Variants in ALDH1A2 observed in about 807,000 individuals in gnomAD.
ALDH1A2 encodes aldehyde dehydrogenase 1 family member A2, also known as retinal dehydrogenase 2.
Under a neutral mutation model 60.3 loss-of-function variants are expected in ALDH1A2, and 27 were observed. That is an observed-to-expected ratio of 0.45 (90% confidence interval 0.33 to 0.62). The LOEUF is 0.62. ALDH1A2 is among the 20% of genes least tolerant of loss of function. ALDH1A2 has a pLI of 0.02. For synonymous variants in ALDH1A2, 289 were observed against 232.4 expected, an observed-to-expected ratio of 1.24 and a Z score of -2.21; for missense variants, 581 against 643.8, an observed-to-expected ratio of 0.90 and a Z score of 1.06.
At chr15:57,972,690 G>GAAGT (rs1894111015) in intron 7 of ALDH1A2, among the ~76,000 whole-genome samples, 1 of 152,130 alleles carries the variant, frequency 6.6e-6, no homozygotes, top group African/African-American at 2.4e-5. Context: ...TTTAAAAAGA[G>GAAGT]AAGTTTTATG....
chr15:58,064,871 G>T (rs1897133560), intron 1 of ALDH1A2, among the ~76,000 whole-genome samples: 1 of 149,662 alleles, frequency 6.7e-6, no homozygotes, highest in Non-Finnish European at 1.5e-5. Context: ...AAAAAAAAAA[G>T]TAAGTTCTTC....
intron 12 of ALDH1A2, among the ~76,000 whole-genome samples, chr15:57,958,281 C>T (rs1465230981): frequency 6.6e-6 from 1 of 152,110 alleles, no homozygotes; most frequent in Non-Finnish European, 1.5e-5. Context: ...ATTTTCAAAG[C>T]CAGTGTCCTG....
intron 4 of ALDH1A2, among the ~76,000 whole-genome samples, chr15:58,003,063 A>G (rs577421459): frequency 1.2e-4 from 18 of 152,052 alleles, no homozygotes; most frequent in Non-Finnish European, 2.1e-4. Flanking sequence ...GTCTGTCATG[A>G]AGATAGCTTA....
At chr15:57,961,491 ACTTCCCCAACCTCTCCAG>A in intron 10 of ALDH1A2, among the ~76,000 whole-genome samples, 197 bp from the exon 11 acceptor site, 1 of 152,154 alleles carries the variant, frequency 6.6e-6, no homozygotes, top group East Asian at 1.9e-4. Context: ...AACCTCCCCA[ACTTCCCCAACCTCTCCAG>A]CATCACTTGA....
At chr15:58,045,839 A>AATAT (rs1407797166) in intron 1 of ALDH1A2, among the ~76,000 whole-genome samples, 3 of 152,026 alleles carry the variant, frequency 2.0e-5, no homozygotes, top group Non-Finnish European at 2.9e-5. Flanking sequence ...ATTAAAAAAG[A>AATAT]ATATGGTCAC....
chr15:58,051,869 C>A (rs1896785571), intron 1 of ALDH1A2, among the ~76,000 whole-genome samples: 1 of 152,126 alleles, frequency 6.6e-6, no homozygotes, highest in Admixed American at 6.5e-5. Context: ...AGTTCCCTTG[C>A]CACCACGCTT....
At chr15:57,976,966 G>C (rs1332667747) in intron 7 of ALDH1A2, among the ~76,000 whole-genome samples, 1 of 152,188 alleles carries the variant, frequency 6.6e-6, no homozygotes, top group Non-Finnish European at 1.5e-5. Context: ...TAACTGGTGT[G>C]AGATGGTATC....
At chr15:58,048,940 A>G (rs1181963468) in intron 1 of ALDH1A2, among the ~76,000 whole-genome samples, 4 of 151,570 alleles carry the variant, frequency 2.6e-5, no homozygotes, top group Admixed American at 6.6e-5. Flanking sequence ...CCACCCCACA[A>G]ATTTCCTTGT....
intron 12 of ALDH1A2, among the ~76,000 whole-genome samples, chr15:57,955,857 G>C (rs536268810): frequency 6.6e-6 from 1 of 152,296 alleles, no homozygotes; most frequent in Non-Finnish European, 1.5e-5. Context: ...CTATTCTCCT[G>C]TTCTTTTTGC....
chr15:58,048,677 T>G (rs1227353533), intron 1 of ALDH1A2, among the ~76,000 whole-genome samples: 2 of 151,956 alleles, frequency 1.3e-5, no homozygotes, highest in South Asian at 2.1e-4. Flanking sequence ...GACTCAGGAT[T>G]CCATGGGTTA....
At chr15:58,020,674 T>C (rs1895901473) in intron 1 of ALDH1A2, among the ~76,000 whole-genome samples, 1 of 152,058 alleles carries the variant, frequency 6.6e-6, no homozygotes, top group Admixed American at 6.5e-5. Context: ...CACTAACCTG[T>C]ATTTTTAATT....
chr15:57,996,505 T>C (rs1166514314), intron 4 of ALDH1A2, among the ~76,000 whole-genome samples: 3 of 141,708 alleles, frequency 2.1e-5, no homozygotes, highest in African/African-American at 8.1e-5. Flanking sequence ...TTTTCCCTCT[T>C]TTTTTTTTTT....
At chr15:58,038,664 A>T (rs1595683187) in intron 1 of ALDH1A2, 1 of 151,784 alleles carries the variant, frequency 6.6e-6, no homozygotes, top group African/African-American at 2.4e-5. Context: ...ATTAAAGCCA[A>T]ATACACACCA....
At chr15:58,019,105 A>G (rs575904182) in intron 1 of ALDH1A2, among the ~76,000 whole-genome samples, 6 of 152,254 alleles carry the variant, frequency 3.9e-5, no homozygotes, top group African/African-American at 1.4e-4. Context: ...TTTTTGCACT[A>G]TTTTTGAACT....
intron 12 of ALDH1A2, among the ~76,000 whole-genome samples, chr15:57,955,933 CTT>C (rs2140441839): frequency 6.6e-6 from 1 of 152,268 alleles, no homozygotes; most frequent in African/African-American, 2.4e-5. Context: ...ATGTTCTCCT[CTT>C]TTTCTTCTCT....
At chr15:57,960,955 G>GA (rs1433988793) in intron 11 of ALDH1A2, 111 bp from the exon 12 acceptor site, 5 of 1,347,340 alleles carry the variant, frequency 3.7e-6, no homozygotes, top group South Asian at 1.3e-5. Context: ...TCCTCCAGAG[G>GA]AAAAAATTGT....
At chr15:58,004,293 A>T (rs1284352769) in intron 4 of ALDH1A2, among the ~76,000 whole-genome samples, 1 of 151,930 alleles carries the variant, frequency 6.6e-6, no homozygotes, top group Admixed American at 6.6e-5. Context: ...CTAACTGATT[A>T]TCCATTTGTA....
At chr15:58,046,358 T>C (rs1362529954) in intron 1 of ALDH1A2, among the ~76,000 whole-genome samples, 7 of 151,958 alleles carry the variant, frequency 4.6e-5, no homozygotes, top group Non-Finnish European at 2.9e-5. Context: ...CCAAGACAGG[T>C]GTAGAGTTGC....
At chr15:58,045,887 A>T (rs529102266) in intron 1 of ALDH1A2, among the ~76,000 whole-genome samples, 117 of 152,160 alleles carry the variant, frequency 7.7e-4, no homozygotes, top group South Asian at 2.3e-3. Context: ...CACCTAAGGG[A>T]ATTAAAATAA....
Sources: gnomAD v4.1 joint callset for allele counts (sites outside exome capture counted in the v4.1 genomes callset) on GRCh38, gnomAD v4.1.1 for gene constraint, MANE v1.5 for transcripts, NCBI Gene and HGNC (gene_info 2026-07-23, HGNC 2026-07-21) for gene names.